PRTFDC1: variants seen among roughly 807,000 people sequenced by gnomAD.
The protein encoded by PRTFDC1 is phosphoribosyl transferase domain containing 1, also known as phosphoribosyltransferase domain-containing protein 1.
In PRTFDC1, 38 loss-of-function variants were observed where a neutral mutation model predicts 34.6. The observed-to-expected ratio is 1.10, with a 90% CI of 0.85 to 1.44. The LOEUF (loss-of-function observed/expected upper bound fraction) is 1.44. Ranked by LOEUF, PRTFDC1 falls within the 40% of genes most tolerant of loss-of-function variation. The pLI is 0.00. For missense variants in PRTFDC1, 270 were observed against 283.0 expected, an observed-to-expected ratio of 0.95 and a Z score of 0.33; for synonymous variants, 93 against 98.1, an observed-to-expected ratio of 0.95 and a Z score of 0.31.
At chr10:24,910,923 C>G (rs1848617046) in intron 3 of PRTFDC1, among the ~76,000 whole-genome samples, 2 of 151,498 alleles carry the variant, frequency 1.3e-5, no homozygotes, top group African/African-American at 2.4e-5. Context: ...CCTCCACCTC[C>G]CAGGCTCAAG....
At chr10:24,940,824 G>A (rs770924255) in intron 2 of PRTFDC1, among the ~76,000 whole-genome samples, 6 of 152,278 alleles carry the variant, frequency 3.9e-5, no homozygotes, top group East Asian at 1.9e-4. Context: ...GCTATTGTAC[G>A]ATTTTCTTAC....
intron 4 of PRTFDC1, among the ~76,000 whole-genome samples, chr10:24,864,013 CAAAA>C (rs71399939): frequency 4.7e-5 from 5 of 105,934 alleles, no homozygotes; most frequent in Admixed American, 1.0e-4. Flanking sequence ...CAACTCGTCT[CAAAA>C]AAAAAAAAAA....
chr10:24,906,371 C>T (rs1848535311), intron 3 of PRTFDC1, among the ~76,000 whole-genome samples: 2 of 152,092 alleles, frequency 1.3e-5, no homozygotes, highest in Admixed American at 6.5e-5. Context: ...GTCAAGATAC[C>T]CCTGGACCCC....
At position 24,855,508 on chromosome 10, in the gene PRTFDC1, C is replaced by T; in HGVS notation, c.507-144G>A. 3.2e-6 allele frequency: 3 copies of T among 924,926 alleles called. No homozygotes were observed. The South Asian group carries it at 4.8e-5, about 15-fold the overall frequency. The allele number at this position is 924,926 out of a possible 1,614,324, so 57.3% of individuals were successfully genotyped here. On this transcript the variant is annotated intron_variant, in intron 6 of 8. Coordinates refer to ENST00000320152, the MANE Select transcript of PRTFDC1 (RefSeq NM_020200.7). ...TAGATGGTTCTGGATAAAAAGAAGA[C>T]AGCAGGTCAGGCACAGTGCTTACAT...
At chr10:24,944,744 C>G (rs542633366) in intron 1 of PRTFDC1, among the ~76,000 whole-genome samples, 1 of 152,316 alleles carries the variant, frequency 6.6e-6, no homozygotes, top group Admixed American at 6.5e-5. Context: ...GACTGTGCCA[C>G]TGCACTTCGG....
At chr10:24,944,079 C>T (rs1310411154) in intron 1 of PRTFDC1, among the ~76,000 whole-genome samples, 5 of 152,092 alleles carry the variant, frequency 3.3e-5, no homozygotes, top group South Asian at 4.1e-4. Context: ...CCCTTTCCTC[C>T]TCTACCTCTG....
chr10:24,887,171 C>T (rs1565266609), intron 3 of PRTFDC1, among the ~76,000 whole-genome samples: 1 of 151,318 alleles, frequency 6.6e-6, no homozygotes, highest in Non-Finnish European at 1.5e-5. Context: ...GGGGTTTCAC[C>T]TTGTTAGCCA....
At chr10:24,854,827 A>G (rs370636310) in intron 7 of PRTFDC1, among the ~76,000 whole-genome samples, 2 of 152,146 alleles carry the variant, frequency 1.3e-5, no homozygotes, top group African/African-American at 2.4e-5. Flanking sequence ...GTGCGTTACA[A>G]TTCAGGCTTG....
chr10:24,908,773 A>G, intron 3 of PRTFDC1: 2 of 1,448,534 alleles, frequency 1.4e-6, no homozygotes, highest in East Asian at 2.5e-5. Flanking sequence ...CTAGCGATCA[A>G]TGGGGTGACT....
chr10:24,935,471 G>T (rs1445714109), intron 3 of PRTFDC1, among the ~76,000 whole-genome samples: 1 of 152,318 alleles, frequency 6.6e-6, no homozygotes, highest in South Asian at 2.1e-4. Context: ...AGTATCTTAA[G>T]AAATCAGAAC....
chr10:24,907,936 G>A (rs1848562242), intron 3 of PRTFDC1, among the ~76,000 whole-genome samples: 1 of 152,034 alleles, frequency 6.6e-6, no homozygotes, highest in Non-Finnish European at 1.5e-5. Flanking sequence ...TTCATTCTAG[G>A]GCTAGGCAAC....
intron 3 of PRTFDC1, among the ~76,000 whole-genome samples, chr10:24,929,777 A>C (rs1231568305): frequency 6.6e-6 from 1 of 152,208 alleles, no homozygotes. Flanking sequence ...ATCCACATAC[A>C]AAAAAGCTGT....
chr10:24,943,998 G>T (rs1849212705), intron 1 of PRTFDC1, among the ~76,000 whole-genome samples: 3 of 152,122 alleles, frequency 2.0e-5, no homozygotes, highest in African/African-American at 7.2e-5. Context: ...ATGGTTTGCA[G>T]TCAAGTCAGG....
chr10:24,893,212 AGGC>A (rs1341361739), intron 3 of PRTFDC1, among the ~76,000 whole-genome samples: 10 of 152,362 alleles, frequency 6.6e-5, no homozygotes, highest in East Asian at 1.9e-4. Context: ...ATAATTAGAT[AGGC>A]ATGTATAGTC....
intron 3 of PRTFDC1, among the ~76,000 whole-genome samples, chr10:24,902,472 C>T (rs1311119550): frequency 2.0e-5 from 3 of 152,156 alleles, no homozygotes; most frequent in African/African-American, 7.2e-5. Context: ...AGGCCTTTTG[C>T]AAAGGAAAGA....
chr10:24,886,454 C>G (rs1013373958), intron 3 of PRTFDC1, among the ~76,000 whole-genome samples: 1 of 152,184 alleles, frequency 6.6e-6, no homozygotes, highest in South Asian at 2.1e-4. Flanking sequence ...GCTCCAAAGC[C>G]TCCACCTGAC....
chr10:24,901,672 T>G (rs1199722263), intron 3 of PRTFDC1, among the ~76,000 whole-genome samples: 1 of 152,184 alleles, frequency 6.6e-6, no homozygotes, highest in African/African-American at 2.4e-5. Context: ...GAGGCTGCAG[T>G]GAGCTGTGAT....
chr10:24,950,563 A>G (rs542698078), intron 1 of PRTFDC1, among the ~76,000 whole-genome samples: 1 of 152,312 alleles, frequency 6.6e-6, no homozygotes, highest in East Asian at 1.9e-4. Flanking sequence ...ATTGTTAAAT[A>G]CAGTGGCTGT....
chr10:24,893,215 C>T (rs1848294589), intron 3 of PRTFDC1, among the ~76,000 whole-genome samples: 1 of 152,118 alleles, frequency 6.6e-6, no homozygotes, highest in African/African-American at 2.4e-5. Flanking sequence ...ATTAGATAGG[C>T]ATGTATAGTC....
Sources: gnomAD v4.1 joint callset for allele counts (sites outside exome capture counted in the v4.1 genomes callset) on GRCh38, gnomAD v4.1.1 for gene constraint, MANE v1.5 for transcripts, NCBI Gene and HGNC (gene_info 2026-07-23, HGNC 2026-07-21) for gene names.